EPS8L3: variants seen among roughly 807,000 people sequenced by gnomAD.
The protein encoded by EPS8L3 is EPS8 signaling adaptor L3, also known as epidermal growth factor receptor kinase substrate 8-like protein 3.
Under a neutral mutation model 88.5 loss-of-function variants are expected in EPS8L3, and 80 were observed. That is an observed-to-expected ratio of 0.90 (90% CI 0.75 to 1.09). The LOEUF (loss-of-function observed/expected upper bound fraction) is 1.09, where lower values mean the gene tolerates loss of function less well. Among genes scored for constraint, EPS8L3 ranks in the 50% least tolerant of loss-of-function variants. The pLI is 0.00. For missense variants in EPS8L3, 721 were observed against 735.2 expected, an observed-to-expected ratio of 0.98 and a Z score of 0.22; for synonymous variants, 286 against 291.0, an observed-to-expected ratio of 0.98 and a Z score of 0.18.
At chr1:109,750,903 T>A in intron 17 of EPS8L3, 111 bp from the exon 18 acceptor site, 2 of 1,298,892 alleles carry the variant, frequency 1.5e-6, no homozygotes, top group Non-Finnish European at 2.1e-6. Flanking sequence ...TACAGAAAAA[T>A]TCATGGAGTA....
chr1:109,753,793 G>A (rs1248950404), intron 12 of EPS8L3, among the ~76,000 whole-genome samples: 1 of 152,132 alleles, frequency 6.6e-6, no homozygotes, highest in Non-Finnish European at 1.5e-5. Context: ...TTTTCCACTT[G>A]TCTGCCCAGG....
At position 109,750,316 on chromosome 1, in the gene EPS8L3, C is replaced by CG; in HGVS notation, c.*74dup. 6.4e-7 allele frequency: 1 copy of CG among 1,573,912 alleles called. No homozygotes were observed. Among genetic ancestry groups the CG allele is most frequent in the Non-Finnish European group, 8.7e-7 (1 of 1,149,224 alleles). On this transcript the variant is annotated 3_prime_UTR_variant, in exon 19 of 19. Coordinates refer to ENST00000361965, the MANE Select transcript of EPS8L3 (RefSeq NM_133181.4). ...AACTGGGATCCAGAAGAGGAATTCT[C>CG]GGGGCTCTAATGGGTATCAGATCTG... is the stretch of plus-strand genomic sequence containing the variant.
intron 17 of EPS8L3, 113 bp downstream of exon 17, chr1:109,751,165 G>T: frequency 1.1e-6 from 1 of 889,886 alleles, no homozygotes; most frequent in South Asian, 1.5e-5. Flanking sequence ...AGACGGTGCT[G>T]GATCGGGGTC....
intron 12 of EPS8L3, among the ~76,000 whole-genome samples, chr1:109,756,128 C>T (rs116554644): frequency 0.011 from 1,739 of 152,370 alleles, 30 homozygotes; most frequent in African/African-American, 0.04. Context: ...TGGGCATCCC[C>T]TCTCAGCTGC....
intron 10 of EPS8L3, 58 bp downstream of exon 10, chr1:109,757,744 A>G (rs1650429996): frequency 6.4e-7 from 1 of 1,554,608 alleles, no homozygotes; most frequent in Non-Finnish European, 8.9e-7. Context: ...ACAGCAGAGG[A>G]TTACTGGGGA....
At chr1:109,757,427 T>C in intron 11 of EPS8L3, 54 bp downstream of exon 11, 3 of 1,537,066 alleles carry the variant, frequency 2.0e-6, no homozygotes, top group Non-Finnish European at 2.7e-6. Context: ...CTCTCTCTAC[T>C]CCTTCTTGAC....
chr1:109,752,618 G>T, intron 14 of EPS8L3, 68 bp downstream of exon 14: 1 of 1,412,980 alleles, frequency 7.1e-7, no homozygotes, highest in Non-Finnish European at 9.8e-7. Flanking sequence ...GAGAGCCAGA[G>T]ATCCAAAGGA....
At chr1:109,756,843 A>C (rs1650329428) in intron 12 of EPS8L3, among the ~76,000 whole-genome samples, 174 bp downstream of exon 12, 1 of 152,206 alleles carries the variant, frequency 6.6e-6, no homozygotes, top group South Asian at 2.1e-4. Context: ...TCTTTTGTTA[A>C]TAAACTGTTG....
In EPS8L3 at chr1:109,761,493, A is replaced by G. The variant is rs1290133320; in HGVS notation, c.96+2T>C. 6.2e-7 allele frequency: 1 copy of G among 1,609,550 alleles called. No individual in the cohort carries two copies. The highest frequency in any genetic ancestry group is 8.5e-7 in the Non-Finnish European group (1 of 1,176,968). On this transcript the variant is annotated splice_donor_variant, in intron 3 of 18. Transcript: ENST00000361965. LOFTEE classifies it high-confidence loss of function. ...CTGCCCGGGGGCTGCAGAGGTACTC[A>G]CCTCCACCCTGTGCTGCAGGAGGGT...
At chr1:109,762,197 G>A (rs1651051513) in intron 1 of EPS8L3, among the ~76,000 whole-genome samples, 1 of 152,196 alleles carries the variant, frequency 6.6e-6, no homozygotes, top group African/African-American at 2.4e-5. Context: ...AGGCCCTCTT[G>A]TTCGACCCTG....
chr1:109,758,790 G>A (rs771916849), intron 6 of EPS8L3, 127 bp from the exon 7 acceptor site: 1 of 1,262,170 alleles, frequency 7.9e-7, no homozygotes, highest in Non-Finnish European at 1.1e-6. Flanking sequence ...CCTGCTCCCT[G>A]GTCTCCTTCT....
chr1:109,756,990 T>A, intron 12 of EPS8L3, 27 bp downstream of exon 12: 2 of 1,614,148 alleles, frequency 1.2e-6, no homozygotes, highest in Non-Finnish European at 8.5e-7. Context: ...TCACCCCCGA[T>A]TCAGTTCAGG....
In EPS8L3 at chr1:109,763,003, G is replaced by T. The variant is rs890215593; in HGVS notation, c.-25+819C>A. On this transcript the variant is annotated intron_variant, in intron 1 of 18. Transcript: ENST00000361965. ...GGTATGTGTTATCCAAATGAGGTTT[G>T]TGGGTATCCACATGTCTACATGGTA... Among the ~76,000 whole-genome samples, 5 of 152,316 alleles carry T rather than the reference G, an allele frequency of 3.3e-5. No individual in the cohort carries two copies. In the East Asian group the frequency reaches 9.6e-4, roughly 29 times the overall value.
intron 12 of EPS8L3, among the ~76,000 whole-genome samples, chr1:109,755,996 TAGA>T (rs774863030): frequency 9.9e-5 from 15 of 152,238 alleles, no homozygotes; most frequent in Non-Finnish European, 1.6e-4. Flanking sequence ...ACTTGCCATG[TAGA>T]AGTTTGCCAA....
At chr1:109,761,810 C>G in intron 1 of EPS8L3, 37 bp from the exon 2 acceptor site, 1 of 1,595,298 alleles carries the variant, frequency 6.3e-7, no homozygotes, top group African/African-American at 1.3e-5. Flanking sequence ...GCCATCAGAG[C>G]TGGGGAAAGG....
intron 14 of EPS8L3, chr1:109,752,425 G>A (rs1358632735): frequency 9.9e-6 from 6 of 606,698 alleles, no homozygotes; most frequent in African/African-American, 7.4e-5. Flanking sequence ...CTACATCTGA[G>A]TTCTGCCCTA....
At position 109,756,968 on chromosome 1, in the gene EPS8L3, C is replaced by T. The variant is rs372192528; in HGVS notation, c.1118+49G>A. On this transcript the variant is annotated intron_variant, in intron 12 of 18. Coordinates refer to ENST00000361965, the MANE Select transcript of EPS8L3 (RefSeq NM_133181.4). ...GCCACCTCTGATGTCCTGCCTGATG[C>T]CTCCATGCCCCTCACCCCCGATTCA... is the stretch of plus-strand genomic sequence containing the variant. 9.3e-6 allele frequency: 15 copies of T among 1,612,372 alleles called. 1 individual carries two copies. The African/African-American group carries it at 1.9e-4, about 20-fold the overall frequency.
rs935904237 is a variant in EPS8L3, at chr1:109,750,778, A to G, written c.1652T>C (p.Leu551Pro). Reference protein sequence around the residue: ...ENFSTATVRTLGSLTGSQLLR... With the variant: ...ENFSTATVRTPGSLTGSQLLR... ...TAGCTGGCTCCCCGTCAGGGACCCA[A>G]GTGTCCTCACCGTGCTGTGAACAAA... The change falls in exon 18 of 19, where the codon CTT becomes CCT. Residue 551 changes from leucine (L) to proline (P), a missense_variant. Transcript: ENST00000361965. 16 of 1,614,044 alleles carry G rather than the reference A, an allele frequency of 9.9e-6. No homozygotes were observed. Among genetic ancestry groups the G allele is most frequent in the East Asian group, 2.2e-5 (1 of 44,898 alleles).
In EPS8L3 at chr1:109,751,329, G is replaced by C. The variant is rs780697777; in HGVS notation, c.1586C>G (p.Ser529Trp). ...PSRVPMLRLS[S>W]RPEEVTDWLQ... ...CCAGTCTGTGACCTCTTCAGGCCTC[G>C]AGCTAAGTCGAAGCATTGGAACCTA... The change falls in exon 17 of 19, where the codon TCG (serine) becomes TGG (tryptophan). Residue 529 changes from serine (S) to tryptophan (W), a missense_variant. Ser to Trp is a radical substitution (Grantham distance 177). Coordinates refer to ENST00000361965, the MANE Select transcript of EPS8L3 (RefSeq NM_133181.4). 1 of 1,613,786 alleles carries C rather than the reference G, an allele frequency of 6.2e-7. No individual in the cohort carries two copies. Among genetic ancestry groups the C allele is most frequent in the Non-Finnish European group, 8.5e-7 (1 of 1,179,972 alleles).
Sources: allele counts gnomAD v4.1 joint callset (sites outside exome capture counted in the v4.1 genomes callset), GRCh38; gene constraint gnomAD v4.1.1; transcripts MANE v1.5; gene names NCBI Gene and HGNC (gene_info 2026-07-23, HGNC 2026-07-21).